The following CAMLG variants were observed in gnomAD, a reference collection of about 807,000 sequenced individuals.
The protein encoded by CAMLG is calcium modulating ligand, also known as guided entry of tail-anchored proteins factor CAMLG.
A neutral mutation model predicts 28.9 loss-of-function variants in CAMLG; 23 were observed. The observed-to-expected ratio is 0.80, with a 90% confidence interval of 0.57 to 1.13. The LOEUF (loss-of-function observed/expected upper bound fraction) is 1.13, where lower values mean the gene tolerates loss of function less well. Among genes scored for constraint, CAMLG ranks in the 50% most tolerant of loss-of-function variants. The pLI is 0.00. For missense variants in CAMLG, 367 were observed against 371.9 expected (o/e 0.99, Z 0.11); for synonymous variants, 141 against 146.5 (o/e 0.96, Z 0.27).
chr5:134,741,319 G>C lies in CAMLG; in HGVS notation c.429G>C (p.Ser143=). 1 of 1,614,184 alleles carries C rather than the reference G, an allele frequency of 6.2e-7. No individual in the cohort carries two copies. Among genetic ancestry groups the C allele is most frequent in the Non-Finnish European group, 8.5e-7 (1 of 1,180,026 alleles). Residue 143 remains serine, a synonymous_variant, in exon 2 of 4, where the codon TCG becomes TCC. Coordinates refer to ENST00000297156, the MANE Select transcript of CAMLG (RefSeq NM_001745.4). The part of the protein sequence containing the change: ...QRNRGDLTAD[S]VQRGSRHGLE... ...ACAGAGGGGACCTGACAGCGGACTC[G>C]GTCCAGAGGGGTTCCCGCCATGGCC...
intron 2 of CAMLG, among the ~76,000 whole-genome samples, chr5:134,743,052 G>T (rs1580755569): frequency 6.7e-6 from 1 of 149,302 alleles, no homozygotes; most frequent in South Asian, 2.1e-4. Flanking sequence ...ATTTAGTTTT[G>T]TTGTTGTTGT....
chr5:134,748,781 A>C (rs1753080072), intron 3 of CAMLG, among the ~76,000 whole-genome samples: 1 of 152,176 alleles, frequency 6.6e-6, no homozygotes, highest in South Asian at 2.1e-4. Flanking sequence ...CTGGCATAGT[A>C]ATCCATGTAA....
chr5:134,747,139 A>G (rs1471109641), intron 3 of CAMLG, among the ~76,000 whole-genome samples: 1 of 152,164 alleles, frequency 6.6e-6, no homozygotes, highest in Non-Finnish European at 1.5e-5. Flanking sequence ...ACCCATTTAT[A>G]TAATACCAAC....
intron 1 of CAMLG, 69 bp downstream of exon 1, chr5:134,738,861 C>A: frequency 6.9e-7 from 1 of 1,444,504 alleles, no homozygotes; most frequent in South Asian, 1.2e-5. Context: ...TCTTCCCTCT[C>A]CCACCTCCAC....
Position 134,750,840 on chromosome 5 carries a change from A to G in CAMLG, c.781A>G (p.Met261Val), listed in dbSNP as rs368039020. Residue 261 changes from methionine to valine, a missense_variant, in exon 4 of 4, where the codon ATG becomes GTG. Transcript: ENST00000297156. ...TCCTGCCGAAGTGATAAATCGATCAATGGATACCTATAGCAAAATGGGCGA... is the reference window on the plus strand; with the variant it reads ...TCCTGCCGAAGTGATAAATCGATCAGTGGATACCTATAGCAAAATGGGCGA... ...GIPAEVINRSMDTYSKMGEVF... is the reference protein window; with the variant it reads ...GIPAEVINRSVDTYSKMGEVF... The G allele has an allele frequency of 1.7e-4, 274 of 1,613,760 alleles. No individual in the cohort carries two copies. Among genetic ancestry groups the G allele is most frequent in the Non-Finnish European group, 2.0e-4 (236 of 1,179,752 alleles).
At chr5:134,743,403 A>C (rs1197893437) in intron 2 of CAMLG, among the ~76,000 whole-genome samples, 2 of 152,074 alleles carry the variant, frequency 1.3e-5, no homozygotes, top group Non-Finnish European at 2.9e-5. Flanking sequence ...CAAATATTTT[A>C]TTTTCTTCAC....
At chr5:134,746,253 AATAGAATCT>A (rs1317766689) in intron 3 of CAMLG, among the ~76,000 whole-genome samples, 1 of 152,126 alleles carries the variant, frequency 6.6e-6, no homozygotes, top group Non-Finnish European at 1.5e-5. Context: ...CAAAATTCAG[AATAGAATCT>A]ATAGAATCTA....
At chr5:134,749,870 A>G (rs1347972289) in intron 3 of CAMLG, among the ~76,000 whole-genome samples, 2 of 152,112 alleles carry the variant, frequency 1.3e-5, no homozygotes, top group Middle Eastern at 3.4e-3. Context: ...ATGCTCAGCT[A>G]ATTTTTGTAT....
In CAMLG at chr5:134,751,415, G is replaced by A. The variant is rs1334580216; in HGVS notation, c.*465G>A. 1 of 152,478 alleles carries A rather than the reference G, an allele frequency of 6.6e-6. No individual in the cohort carries two copies. The highest frequency in any genetic ancestry group is 1.9e-4 in the East Asian group (1 of 5,190). The allele number at this position is 152,478 out of a possible 1,614,324, so 9.4% of individuals were successfully genotyped here. A position where few individuals can be genotyped will look rare whatever the true frequency, so the allele number is the denominator to read the frequency against. On this transcript the variant is annotated 3_prime_UTR_variant, in exon 4 of 4. Transcript: ENST00000297156. Reference sequence around the variant, plus strand: ...AACTCTGCACATTGTAACTTTTCTTGTTGAGTTAGTATCTTAATTTTTACT... The same window carrying A: ...AACTCTGCACATTGTAACTTTTCTTATTGAGTTAGTATCTTAATTTTTACT...
intron 3 of CAMLG, among the ~76,000 whole-genome samples, chr5:134,748,739 A>G (rs1171088305): frequency 1.3e-5 from 2 of 152,104 alleles, no homozygotes; most frequent in African/African-American, 4.8e-5. Context: ...CTATACCCCA[A>G]AGAACTTTTT....
intron 2 of CAMLG, among the ~76,000 whole-genome samples, chr5:134,743,492 C>T (rs2150121266): frequency 6.6e-6 from 1 of 151,932 alleles, no homozygotes; most frequent in Admixed American, 6.6e-5. Flanking sequence ...ATTGCTTGGA[C>T]TGGGGAGGCA....
In CAMLG at chr5:134,738,562, C is replaced by T. The variant is rs1439003210; in HGVS notation, c.-59C>T. The stretch of plus-strand genomic sequence containing the variant: ...TGCGGCCCGGCCTCTAGTCATCGCC[C>T]TCGCAGCGGCGGCCAACATCACCGC... On this transcript the variant is annotated 5_prime_UTR_variant, in exon 1 of 4. Coordinates refer to ENST00000297156, the MANE Select transcript of CAMLG (RefSeq NM_001745.4). 3.5e-6 allele frequency: 5 copies of T among 1,422,856 alleles called. No individual in the cohort carries two copies. Among genetic ancestry groups the T allele is most frequent in the South Asian group, 1.3e-5 (1 of 75,220 alleles). 88.1% of individuals were successfully genotyped at this position (1,422,856 alleles called of 1,614,324 possible).
intron 3 of CAMLG, among the ~76,000 whole-genome samples, chr5:134,745,310 C>T (rs904263940): frequency 9.9e-5 from 15 of 151,864 alleles, no homozygotes; most frequent in Admixed American, 9.9e-4. Context: ...GTGGCAGGCA[C>T]CTGTAGTCCC....
In CAMLG at chr5:134,741,052, T is replaced by C; in HGVS notation, c.173-11T>C. 6.3e-7 allele frequency: 1 copy of C among 1,589,672 alleles called. No homozygotes were observed. Among genetic ancestry groups the C allele is most frequent in the Non-Finnish European group, 8.6e-7 (1 of 1,158,360 alleles). On this transcript the variant is annotated splice_polypyrimidine_tract_variant and intron_variant, in intron 1 of 3. Coordinates refer to ENST00000297156, the MANE Select transcript of CAMLG (RefSeq NM_001745.4). ...AATAAATACATAAGGCTTTTACATT[T>C]CTTTTCTCAGAAGAAGAAAGTCAAA...
chr5:134,743,625 TGG>T (rs1028063894), intron 2 of CAMLG, among the ~76,000 whole-genome samples: 1 of 150,994 alleles, frequency 6.6e-6, no homozygotes, highest in Non-Finnish European at 1.5e-5. Context: ...CCCAGCATGT[TGG>T]GAGGCCGAGG....
In CAMLG at chr5:134,751,760, A is replaced by G. The variant is rs1753115962; in HGVS notation, c.*810A>G. 1.3e-5 allele frequency: 2 copies of G among 152,294 alleles called. No individual in the cohort carries two copies. 9.4% of individuals were successfully genotyped at this position (152,294 alleles called of 1,614,324 possible). A position where few individuals can be genotyped will look rare whatever the true frequency, so the allele number is the denominator to read the frequency against. On this transcript the variant is annotated 3_prime_UTR_variant, in exon 4 of 4. Transcript: ENST00000297156. ...CAATGGCGCCATCTCGGCTCACCGC[A>G]ACCTCCACCTTCCTGGTTCAAGGGA...
chr5:134,744,123 T>C, intron 3 of CAMLG, 71 bp downstream of exon 3: 10 of 702,662 alleles, frequency 1.4e-5, no homozygotes, highest in African/African-American at 1.8e-5. Flanking sequence ...TTGAAGGAAC[T>C]TAAAAATGTT....
At chr5:134,747,106 G>A (rs1174138326) in intron 3 of CAMLG, among the ~76,000 whole-genome samples, 1 of 151,868 alleles carries the variant, frequency 6.6e-6, no homozygotes, top group Non-Finnish European at 1.5e-5. Flanking sequence ...AAACACAAAA[G>A]TTGAAAGAAT....
chr5:134,739,546 TA>T (rs1181372839), intron 1 of CAMLG, among the ~76,000 whole-genome samples: 1 of 152,128 alleles, frequency 6.6e-6, no homozygotes, highest in Non-Finnish European at 1.5e-5. Context: ...TGATTTTCTT[TA>T]AAAAAAATTT....
Sources: allele counts gnomAD v4.1 joint callset (sites outside exome capture counted in the v4.1 genomes callset), GRCh38; gene constraint gnomAD v4.1.1; transcripts MANE v1.5; gene names NCBI Gene and HGNC (gene_info 2026-07-23, HGNC 2026-07-21).